The following PIK3C2G variants were observed in gnomAD, a reference collection of about 807,000 sequenced individuals.
PIK3C2G encodes the protein phosphatidylinositol 3-kinase C2 domain-containing subunit gamma.
Under a neutral mutation model 181.1 loss-of-function variants are expected in PIK3C2G, and 168 were observed. The ratio of observed to expected loss-of-function variants is 0.93; its 90% CI spans 0.82 to 1.05. The LOEUF (loss-of-function observed/expected upper bound fraction) is 1.05, where lower values mean the gene tolerates loss of function less well. PIK3C2G is among the 50% of genes least tolerant of loss of function. The pLI is 0.00. For missense variants in PIK3C2G, 1,869 were observed against 1,732.8 expected, an observed-to-expected ratio of 1.08 and a Z score of -1.40; for synonymous variants, 573 against 592.2, an observed-to-expected ratio of 0.97 and a Z score of 0.47.
intron 16 of PIK3C2G, among the ~76,000 whole-genome samples, chr12:18,419,412 C>T (rs781540697): frequency 1.8e-4 from 27 of 152,136 alleles, no homozygotes; most frequent in Non-Finnish European, 3.5e-4. Context: ...TCACACTGAC[C>T]TTGATGTCTA....
At chr12:18,556,397 C>G (rs557170214) in intron 26 of PIK3C2G, among the ~76,000 whole-genome samples, 2 of 152,160 alleles carry the variant, frequency 1.3e-5, no homozygotes, top group East Asian at 3.9e-4. Flanking sequence ...AAAGTCTGCC[C>G]CCAAACCATG....
the PIK3C2G span, chr12:18,693,953 G>T: frequency 6.6e-7 from 1 of 1,518,540 alleles, no homozygotes; most frequent in South Asian, 1.1e-5. Context: ...CCTCTCTGGT[G>T]CTGACATCAA....
At chr12:18,249,915 T>C (rs193033601) in intron 1 of PIK3C2G, among the ~76,000 whole-genome samples, 1 of 127,104 alleles carries the variant, frequency 7.9e-6, no homozygotes, top group East Asian at 2.4e-4. Context: ...TAATAAATAC[T>C]AATAGTTCCT....
the PIK3C2G span, among the ~76,000 whole-genome samples, chr12:18,717,966 CA>C: frequency 6.6e-6 from 1 of 152,122 alleles, no homozygotes; most frequent in African/African-American, 2.4e-5. Flanking sequence ...TGAGCAGCAG[CA>C]GTGAGCTACA....
At chr12:18,703,090 T>G in the PIK3C2G span, among the ~76,000 whole-genome samples, 2 of 152,166 alleles carry the variant, frequency 1.3e-5, no homozygotes, top group Non-Finnish European at 2.9e-5. Flanking sequence ...GGAAGCGGGA[T>G]TCTCTTCCAA....
intron 18 of PIK3C2G, among the ~76,000 whole-genome samples, chr12:18,442,966 G>C (rs1009154345): frequency 1.8e-4 from 27 of 151,922 alleles, no homozygotes; most frequent in Non-Finnish European, 3.2e-4. Flanking sequence ...CCACCTCCCG[G>C]GTTCAAGAGA....
At chr12:18,359,895 T>C (rs1941079406) in intron 11 of PIK3C2G, among the ~76,000 whole-genome samples, 1 of 152,186 alleles carries the variant, frequency 6.6e-6, no homozygotes, top group African/African-American at 2.4e-5. Context: ...TATATACTTT[T>C]TGTCCATTTA....
At chr12:18,718,781 T>C in the PIK3C2G span, among the ~76,000 whole-genome samples, 1 of 152,214 alleles carries the variant, frequency 6.6e-6, no homozygotes, top group African/African-American at 2.4e-5. Context: ...ACCTGGTTAT[T>C]ATCTGTCTAT....
chr12:18,484,685 A>G (rs1251653059), intron 18 of PIK3C2G, among the ~76,000 whole-genome samples: 1 of 152,204 alleles, frequency 6.6e-6, no homozygotes. Flanking sequence ...CAAGGATTGT[A>G]TAACGTATCA....
the PIK3C2G span, chr12:18,723,581 T>TA: frequency 7.0e-6 from 10 of 1,436,130 alleles, no homozygotes; most frequent in South Asian, 3.4e-5. Context: ...ATTGTGAGTA[T>TA]AAAAAATACA....
chr12:18,553,915 AT>A (rs1944865169), intron 26 of PIK3C2G, among the ~76,000 whole-genome samples: 1 of 152,044 alleles, frequency 6.6e-6, no homozygotes, highest in African/African-American at 2.4e-5. Context: ...ATACTATTTA[AT>A]TTCCAAAGAC....
At position 18,546,477 on chromosome 12, in the gene PIK3C2G, G is replaced by T. The variant is rs766059552; in HGVS notation, c.3590+45G>T. The T allele has an allele frequency of 4.0e-6, 4 of 995,248 alleles. No individual in the cohort carries two copies. The South Asian group carries it at 5.5e-5, about 14-fold the overall frequency. The allele number at this position is 995,248 out of a possible 1,614,324, so 61.7% of individuals were successfully genotyped here. ...TGTGAGCATGCATGCATGAATGTAC[G>T]CAGACACATGTTCCACAGTGGAGAT... On this transcript the variant is annotated intron_variant, in intron 26 of 32. Transcript: ENST00000538779.
intron 18 of PIK3C2G, among the ~76,000 whole-genome samples, chr12:18,454,317 G>A (rs992437650): frequency 1.3e-5 from 2 of 152,158 alleles, no homozygotes; most frequent in African/African-American, 4.8e-5. Flanking sequence ...AGGAGGCAGT[G>A]CAATTTTAGA....
chr12:18,281,191 T>A (rs1299850941), intron 1 of PIK3C2G, among the ~76,000 whole-genome samples: 1 of 140,164 alleles, frequency 7.1e-6, no homozygotes, highest in African/African-American at 2.7e-5. Flanking sequence ...ACAGGAGGTA[T>A]GAAATAATTT....
At chr12:18,653,073 A>G (rs1473625200), downstream of PIK3C2G, among the ~76,000 whole-genome samples, 1 of 152,088 alleles carries the variant, frequency 6.6e-6, no homozygotes, top group Admixed American at 6.6e-5. Flanking sequence ...TTCTGCAAAA[A>G]CTAAGACATC....
At chr12:18,294,130 A>G (rs558280739) in intron 5 of PIK3C2G, 115 bp downstream of exon 5, 118 of 576,620 alleles carry the variant, frequency 2.0e-4, no homozygotes, top group Non-Finnish European at 3.4e-4. Flanking sequence ...TATATAATTA[A>G]ATCAATTTTA....
intron 12 of PIK3C2G, among the ~76,000 whole-genome samples, chr12:18,366,596 G>A (rs1479328689): frequency 6.6e-6 from 1 of 151,888 alleles, no homozygotes; most frequent in African/African-American, 2.4e-5. Flanking sequence ...ACTCTCAGAA[G>A]CTTACTCTGG....
At chr12:18,620,685 T>A (rs1948822334) in intron 31 of PIK3C2G, among the ~76,000 whole-genome samples, 1 of 152,046 alleles carries the variant, frequency 6.6e-6, no homozygotes, top group African/African-American at 2.4e-5. Context: ...ACTTTTTTTT[T>A]TATATTCTGA....
At chr12:18,322,790 G>A (rs1234177209) in intron 7 of PIK3C2G, among the ~76,000 whole-genome samples, 2 of 152,094 alleles carry the variant, frequency 1.3e-5, no homozygotes, top group African/African-American at 2.4e-5. Context: ...GGACTAGAAA[G>A]GATTTTAGAC....
Sources: allele counts gnomAD v4.1 joint callset (sites outside exome capture counted in the v4.1 genomes callset), GRCh38; gene constraint gnomAD v4.1.1; transcripts MANE v1.5; gene names NCBI Gene and HGNC (gene_info 2026-07-23, HGNC 2026-07-21).